Variants in MDGA2 observed in about 807,000 individuals in gnomAD.
MDGA2 encodes MAM domain containing glycosylphosphatidylinositol anchor 2, also known as MAM domain-containing glycosylphosphatidylinositol anchor protein 2.
MDGA2 carries 40 observed loss-of-function variants against 117.8 expected under a neutral mutation model. The observed-to-expected ratio is 0.34, with a 90% confidence interval of 0.26 to 0.44. The LOEUF (loss-of-function observed/expected upper bound fraction) is 0.44, where lower values mean the gene tolerates loss of function less well. Ranked by LOEUF, MDGA2 falls within the 20% of genes least tolerant of loss-of-function variation. The probability of loss-of-function intolerance (pLI) is 1.00; values close to 1 mark genes in which losing one functional copy is unlikely to be tolerated. For missense variants in MDGA2, 1,123 were observed against 1,250.6 expected, an observed-to-expected ratio of 0.90 and a Z score of 1.54; for synonymous variants, 452 against 439.0, an observed-to-expected ratio of 1.03 and a Z score of -0.37.
At chr14:47,590,502 T>A (rs933620551) in intron 1 of MDGA2, among the ~76,000 whole-genome samples, 5 of 151,804 alleles carry the variant, frequency 3.3e-5, no homozygotes, top group African/African-American at 1.2e-4. Context: ...TTTTTACAGA[T>A]CAGAAAAATT....
chr14:47,123,615 T>C (rs975004132), intron 5 of MDGA2, among the ~76,000 whole-genome samples: 5 of 152,066 alleles, frequency 3.3e-5, no homozygotes, highest in African/African-American at 1.2e-4. Flanking sequence ...AAATATTTTG[T>C]ATTTATGTTA....
chr14:47,162,491 T>A (rs1196206901), intron 3 of MDGA2, among the ~76,000 whole-genome samples: 1 of 152,150 alleles, frequency 6.6e-6, no homozygotes, highest in South Asian at 2.1e-4. Context: ...AACTCTGATA[T>A]AAATCCTTTT....
At chr14:47,119,358 C>A (rs112004937) in intron 5 of MDGA2, among the ~76,000 whole-genome samples, 4 of 152,146 alleles carry the variant, frequency 2.6e-5, no homozygotes, top group African/African-American at 7.2e-5. Flanking sequence ...AGCCACCGGG[C>A]CCGGCCCTAC....
At chr14:47,323,170 A>ATGG (rs1241107007) in intron 1 of MDGA2, among the ~76,000 whole-genome samples, 18 of 53,710 alleles carry the variant, frequency 3.4e-4, no homozygotes, top group South Asian at 6.5e-4. Flanking sequence ...ATATATATAT[A>ATGG]TATATATATA....
intron 1 of MDGA2, among the ~76,000 whole-genome samples, chr14:47,425,051 C>T (rs1440955302): frequency 1.3e-5 from 2 of 152,066 alleles, no homozygotes; most frequent in East Asian, 3.9e-4. Flanking sequence ...GGAGCAGCTC[C>T]CAAGGTAGAC....
At chr14:47,453,679 AT>A (rs1173793508) in intron 1 of MDGA2, among the ~76,000 whole-genome samples, 1 of 152,154 alleles carries the variant, frequency 6.6e-6, no homozygotes, top group African/African-American at 2.4e-5. Flanking sequence ...AAAAGTAAAG[AT>A]CTTATGGATA....
At chr14:47,345,907 T>TTG (rs1474706637) in intron 1 of MDGA2, among the ~76,000 whole-genome samples, 1 of 151,788 alleles carries the variant, frequency 6.6e-6, no homozygotes, top group East Asian at 1.9e-4. Flanking sequence ...AAGTAAAAAG[T>TTG]AGAACAGAGG....
At chr14:46,883,493 T>G (rs1882544972) in intron 10 of MDGA2, among the ~76,000 whole-genome samples, 1 of 152,032 alleles carries the variant, frequency 6.6e-6, no homozygotes, top group African/African-American at 2.4e-5. Flanking sequence ...TTTTAATGCT[T>G]ATATATTAGA....
intron 1 of MDGA2, among the ~76,000 whole-genome samples, chr14:47,321,839 C>T (rs1013348141): frequency 3.3e-5 from 5 of 152,144 alleles, no homozygotes; most frequent in African/African-American, 1.2e-4. Flanking sequence ...CTTCTCTCTC[C>T]TTAATAACTA....
chr14:47,561,049 T>C (rs911936917), intron 1 of MDGA2, among the ~76,000 whole-genome samples: 1 of 152,066 alleles, frequency 6.6e-6, no homozygotes, highest in Non-Finnish European at 1.5e-5. Flanking sequence ...TCCATTGTTC[T>C]GCATGTCTGA....
chr14:47,667,841 G>A (rs754956479), intron 1 of MDGA2, among the ~76,000 whole-genome samples: 1 of 152,096 alleles, frequency 6.6e-6, no homozygotes, highest in Admixed American at 6.5e-5. Flanking sequence ...ACTGCTTGAA[G>A]ATACTGTAAC....
intron 7 of MDGA2, among the ~76,000 whole-genome samples, chr14:47,049,242 A>C (rs1889368769): frequency 6.6e-6 from 1 of 152,018 alleles, no homozygotes; most frequent in Non-Finnish European, 1.5e-5. Flanking sequence ...TACTTAAATT[A>C]CCAGCATACA....
intron 1 of MDGA2, among the ~76,000 whole-genome samples, chr14:47,614,825 C>T (rs1313349715): frequency 1.3e-5 from 2 of 152,178 alleles, no homozygotes; most frequent in Admixed American, 1.3e-4. Flanking sequence ...TTCTCTATCT[C>T]TTACTTTTCT....
chr14:47,638,696 AT>A (rs1371488642), intron 1 of MDGA2, among the ~76,000 whole-genome samples: 2 of 152,078 alleles, frequency 1.3e-5, no homozygotes, highest in African/African-American at 4.8e-5. Flanking sequence ...AAACCACATC[AT>A]CCTTCCCCTT....
At chr14:47,565,036 C>T (rs145896028) in intron 1 of MDGA2, among the ~76,000 whole-genome samples, 3 of 151,718 alleles carry the variant, frequency 2.0e-5, no homozygotes, top group Admixed American at 1.3e-4. Flanking sequence ...CTGTAGAATC[C>T]TTGGATTGGG....
At chr14:47,209,742 G>A (rs889509119) in intron 3 of MDGA2, among the ~76,000 whole-genome samples, 3 of 152,006 alleles carry the variant, frequency 2.0e-5, no homozygotes, top group African/African-American at 4.8e-5. Flanking sequence ...ACTCTTCATC[G>A]GTATAATTCA....
intron 1 of MDGA2, among the ~76,000 whole-genome samples, chr14:47,383,147 T>G (rs1457868114): frequency 6.6e-6 from 1 of 152,116 alleles, no homozygotes; most frequent in Non-Finnish European, 1.5e-5. Context: ...AGGTGGGAAT[T>G]GAACAATGAG....
intron 1 of MDGA2, among the ~76,000 whole-genome samples, chr14:47,396,795 A>C (rs539261825): frequency 1.3e-5 from 2 of 152,358 alleles, no homozygotes; most frequent in South Asian, 4.1e-4. Context: ...ATACCATCTC[A>C]TGCCGGTTAG....
intron 1 of MDGA2, among the ~76,000 whole-genome samples, chr14:47,472,538 T>C (rs1381854098): frequency 6.6e-6 from 1 of 152,188 alleles, no homozygotes. Flanking sequence ...CAAGCAGACC[T>C]TGTCTGCTTC....
Sources: gnomAD v4.1 joint callset for allele counts (sites outside exome capture counted in the v4.1 genomes callset) on GRCh38, gnomAD v4.1.1 for gene constraint, MANE v1.5 for transcripts, NCBI Gene and HGNC (gene_info 2026-07-23, HGNC 2026-07-21) for gene names.